Variants in DPYD observed in about 807,000 individuals in gnomAD.
DPYD encodes the protein dihydropyrimidine dehydrogenase [NADP(+)].
In DPYD, 109 loss-of-function variants were observed where a neutral mutation model predicts 116.2. That is an observed-to-expected ratio of 0.94 (90% CI 0.80 to 1.10). DPYD has a LOEUF of 1.10. DPYD is among the 50% of genes least tolerant of loss of function. The probability of loss-of-function intolerance (pLI) is 0.00; values close to 1 mark genes in which losing one functional copy is unlikely to be tolerated. For missense variants in DPYD, 1,302 were observed against 1,254.5 expected (o/e 1.04, Z -0.57); for synonymous variants, 440 against 432.0 (o/e 1.02, Z -0.23).
chr1:97,751,460 GTATATATATA>G (rs1553233231), intron 3 of DPYD, among the ~76,000 whole-genome samples: 20 of 21,290 alleles, frequency 9.4e-4, no homozygotes, highest in Middle Eastern at 0.033. Flanking sequence ...GTGTGTGTGT[GTATATATATA>G]TATATATATA....
chr1:97,696,269 T>C (rs1661301342), intron 6 of DPYD, among the ~76,000 whole-genome samples: 1 of 151,974 alleles, frequency 6.6e-6, no homozygotes, highest in East Asian at 1.9e-4. Context: ...ATAATCCCCA[T>C]TTTGGTGATG....
At chr1:97,186,412 C>T (rs1221044242) in intron 20 of DPYD, among the ~76,000 whole-genome samples, 1 of 152,232 alleles carries the variant, frequency 6.6e-6, no homozygotes, top group African/African-American at 2.4e-5. Context: ...TCATCCTACA[C>T]CCTGCTTCTA....
intron 18 of DPYD, among the ~76,000 whole-genome samples, chr1:97,287,825 C>T (rs1174019017): frequency 1.3e-5 from 2 of 152,026 alleles, no homozygotes; most frequent in Non-Finnish European, 2.9e-5. Flanking sequence ...TTCCAGGTGC[C>T]ATCTGTCACC....
At chr1:97,292,410 T>G (rs79093868) in intron 18 of DPYD, among the ~76,000 whole-genome samples, 1 of 151,606 alleles carries the variant, frequency 6.6e-6, no homozygotes. Flanking sequence ...AAGCGCAGAG[T>G]GAAGTGGGGG....
chr1:97,763,375 T>A (rs1246158220), intron 3 of DPYD, among the ~76,000 whole-genome samples: 1 of 152,064 alleles, frequency 6.6e-6, no homozygotes, highest in African/African-American at 2.4e-5. Context: ...TGTTTTTTTT[T>A]AATTGCACAA....
intron 3 of DPYD, chr1:97,796,809 T>A (rs2101305588): frequency 6.6e-6 from 1 of 152,240 alleles, no homozygotes; most frequent in South Asian, 2.1e-4. Flanking sequence ...TCACCTTATA[T>A]CCTGATAACT....
Position 97,098,473 on chromosome 1 carries a change from T to C in DPYD, c.2766+16A>G. ...CAGTAAAGTAGGCATACTTATATAG[T>C]TGGCATAATTTTTACCTTGATGGTA... On this transcript the variant is annotated intron_variant, in intron 21 of 22. Coordinates refer to ENST00000370192, the MANE Select transcript of DPYD (RefSeq NM_000110.4). 2 of 1,611,266 alleles carry C rather than the reference T, an allele frequency of 1.2e-6. No individual in the cohort carries two copies. Among genetic ancestry groups the C allele is most frequent in the Non-Finnish European group, 1.7e-6 (2 of 1,178,120 alleles).
At chr1:97,536,378 AAG>A (rs1196413103) in intron 12 of DPYD, among the ~76,000 whole-genome samples, 1 of 152,192 alleles carries the variant, frequency 6.6e-6, no homozygotes, top group African/African-American at 2.4e-5. Flanking sequence ...ACAGGAATAA[AAG>A]AGTTTGCAAC....
intron 18 of DPYD, among the ~76,000 whole-genome samples, chr1:97,290,911 G>T (rs1393733188): frequency 6.6e-6 from 1 of 151,734 alleles, no homozygotes; most frequent in African/African-American, 2.4e-5. Flanking sequence ...CCTACAAAAT[G>T]GGAGAAAATT....
intron 20 of DPYD, among the ~76,000 whole-genome samples, chr1:97,137,946 A>G (rs537848309): frequency 6.6e-6 from 1 of 152,330 alleles, no homozygotes; most frequent in South Asian, 2.1e-4. Context: ...AGTAATACTT[A>G]CATCTTGCTT....
chr1:97,366,722 G>T (rs1463479821), intron 16 of DPYD, among the ~76,000 whole-genome samples: 3 of 152,144 alleles, frequency 2.0e-5, no homozygotes, highest in African/African-American at 7.2e-5. Flanking sequence ...ACCTGCAGAA[G>T]ATGTCTCAGG....
intron 3 of DPYD, among the ~76,000 whole-genome samples, chr1:97,756,977 A>AC (rs1170185384): frequency 2.0e-5 from 3 of 151,316 alleles, no homozygotes; most frequent in Admixed American, 6.6e-5. Flanking sequence ...TTCCTCAACT[A>AC]CCCCCCACTC....
intron 18 of DPYD, among the ~76,000 whole-genome samples, chr1:97,275,988 C>T (rs1268553391): frequency 1.3e-5 from 2 of 151,894 alleles, no homozygotes; most frequent in African/African-American, 2.4e-5. Flanking sequence ...TATCTGTATG[C>T]ATTTCTTAGT....
chr1:97,220,225 A>C (rs987577416), intron 19 of DPYD, among the ~76,000 whole-genome samples: 2 of 151,944 alleles, frequency 1.3e-5, no homozygotes, highest in Admixed American at 6.6e-5. Flanking sequence ...TGGGAGTGGG[A>C]TTCATGGCTT....
chr1:97,160,725 C>A (rs566384927), intron 20 of DPYD, among the ~76,000 whole-genome samples: 1 of 152,192 alleles, frequency 6.6e-6, no homozygotes, highest in Non-Finnish European at 1.5e-5. Flanking sequence ...AGAAAGTGTA[C>A]AACCTAAATT....
chr1:97,787,414 A>C lies in DPYD; in HGVS notation c.233+40700T>G, dbSNP rs551719805. ...GCTTAAATTGTCAACCTGCATTTCT[A>C]GCCTGCATTTAGAATAATGGCAGTC... On this transcript the variant is annotated intron_variant, in intron 3 of 22. Transcript: ENST00000370192. Among the ~76,000 whole-genome samples the C allele has an allele frequency of 3.7e-4, 57 of 152,352 alleles. 1 individual carries two copies. The highest frequency in any genetic ancestry group is 1.3e-3 in the African/African-American group (52 of 41,588).
chr1:97,214,374 T>C (rs1220882333), intron 19 of DPYD, among the ~76,000 whole-genome samples: 1 of 152,188 alleles, frequency 6.6e-6, no homozygotes, highest in Non-Finnish European at 1.5e-5. Flanking sequence ...TCTGTTTCTA[T>C]GAAAATAGCA....
intron 3 of DPYD, chr1:97,798,015 C>T (rs1481674120): frequency 6.6e-6 from 1 of 152,060 alleles, no homozygotes; most frequent in Non-Finnish European, 1.5e-5. Context: ...GTTCTGACAA[C>T]TTCAGAAGAG....
At chr1:97,914,940 ATACCAC>A (rs1322199207) in intron 1 of DPYD, among the ~76,000 whole-genome samples, 2 of 152,188 alleles carry the variant, frequency 1.3e-5, no homozygotes, top group African/African-American at 2.4e-5. Flanking sequence ...ACAGACTTCA[ATACCAC>A]TAGTTGATTA....
Sources: allele counts gnomAD v4.1 joint callset (sites outside exome capture counted in the v4.1 genomes callset), GRCh38; gene constraint gnomAD v4.1.1; transcripts MANE v1.5; gene names NCBI Gene and HGNC (gene_info 2026-07-23, HGNC 2026-07-21).